The following TACC2 variants were observed in gnomAD, a reference collection of about 807,000 sequenced individuals.
TACC2 encodes the protein transforming acidic coiled-coil-containing protein 2.
Under a neutral mutation model 227.3 loss-of-function variants are expected in TACC2, and 137 were observed. That is an observed-to-expected ratio of 0.60 (90% confidence interval 0.52 to 0.69). TACC2 has a LOEUF of 0.69. Ranked by LOEUF, TACC2 falls within the 30% of genes least tolerant of loss-of-function variation. The probability of loss-of-function intolerance (pLI) is 0.00; values close to 1 mark genes in which losing one functional copy is unlikely to be tolerated. For missense variants in TACC2, 3,470 were observed against 3,694.4 expected (o/e 0.94, Z 1.57); for synonymous variants, 1,523 against 1,487.5 (o/e 1.02, Z -0.55).
intron 7 of TACC2, among the ~76,000 whole-genome samples, chr10:122,156,155 T>A (rs552060775): frequency 6.6e-6 from 1 of 151,786 alleles, no homozygotes; most frequent in Admixed American, 6.6e-5. Context: ...AAAAAACGTT[T>A]TTAAGACTTC....
intron 7 of TACC2, chr10:122,163,968 T>C: frequency 6.3e-7 from 1 of 1,588,584 alleles, no homozygotes; most frequent in Non-Finnish European, 8.6e-7. Context: ...GCCAGCGACC[T>C]GAACCTGGAG....
intron 5 of TACC2, among the ~76,000 whole-genome samples, chr10:122,096,480 T>G (rs2081421302): frequency 6.6e-6 from 1 of 152,164 alleles, no homozygotes; most frequent in Admixed American, 6.5e-5. Context: ...GTGGATCATC[T>G]GAGGTCAGGA....
chr10:122,055,518 T>C (rs1345049641), intron 3 of TACC2, among the ~76,000 whole-genome samples: 1 of 152,106 alleles, frequency 6.6e-6, no homozygotes, highest in East Asian at 1.9e-4. Context: ...TGAGAACACA[T>C]GGACACATAG....
At chr10:122,126,475 C>T (rs532151366) in intron 5 of TACC2, among the ~76,000 whole-genome samples, 1 of 152,220 alleles carries the variant, frequency 6.6e-6, no homozygotes, top group South Asian at 2.1e-4. Flanking sequence ...GCACACAGCC[C>T]TCCACAACTA....
At chr10:122,075,487 A>G (rs1336999338) in intron 3 of TACC2, among the ~76,000 whole-genome samples, 2 of 152,238 alleles carry the variant, frequency 1.3e-5, no homozygotes, top group Non-Finnish European at 2.9e-5. Context: ...CTCTCCCCAT[A>G]TCACCACTCG....
At chr10:122,090,613 T>C (rs1403449153) in intron 5 of TACC2, among the ~76,000 whole-genome samples, 1 of 145,866 alleles carries the variant, frequency 6.9e-6, no homozygotes, top group Non-Finnish European at 1.5e-5. Flanking sequence ...ACAACCACAA[T>C]ACCTACCAAT....
At chr10:122,134,624 C>A (rs999385892) in intron 6 of TACC2, among the ~76,000 whole-genome samples, 5 of 152,242 alleles carry the variant, frequency 3.3e-5, no homozygotes, top group African/African-American at 1.2e-4. Flanking sequence ...TCCTATTCCT[C>A]CCCCTCTTTG....
In TACC2 at chr10:122,132,687, C is replaced by T; in HGVS notation, c.5652C>T (p.Tyr1884=). 2 of 1,614,240 alleles carry T rather than the reference C, an allele frequency of 1.2e-6. No homozygotes were observed. Residue 1884 remains tyrosine (Y), a synonymous_variant, in exon 6 of 23, where the codon TAC becomes TAT. Transcript: ENST00000369005. ...LESPTLAASS[Y]HGDVVGQVST... ...GCCCAACCTTAGCTGCCTCTTCCTA[C>T]CACGGTGATGTTGTTGGCCAGGTCT...
chr10:122,215,257 C>G, intron 9 of TACC2, 134 bp from the exon 10 acceptor site: 2 of 760,492 alleles, frequency 2.6e-6, no homozygotes, highest in Admixed American at 1.9e-5. Context: ...CTCGCTGGTG[C>G]TGGAGTGACA....
At chr10:122,114,132 G>T (rs1248561703) in intron 5 of TACC2, among the ~76,000 whole-genome samples, 1 of 152,340 alleles carries the variant, frequency 6.6e-6, no homozygotes, top group Non-Finnish European at 1.5e-5. Context: ...AAGGAGGGGC[G>T]GCTGGAGAGG....
intron 8 of TACC2, among the ~76,000 whole-genome samples, chr10:122,196,569 A>G (rs1041643377): frequency 6.6e-6 from 1 of 152,202 alleles, no homozygotes; most frequent in Non-Finnish European, 1.5e-5. Flanking sequence ...ATTTTGTATG[A>G]CCAAGCATAT....
chr10:122,010,421 T>C (rs1437279443), intron 1 of TACC2, among the ~76,000 whole-genome samples: 1 of 152,210 alleles, frequency 6.6e-6, no homozygotes, highest in Non-Finnish European at 1.5e-5. Flanking sequence ...AAGGGGAACC[T>C]TATATTTTAA....
intron 5 of TACC2, among the ~76,000 whole-genome samples, chr10:122,119,491 C>A (rs145681343): frequency 0.016 from 2,450 of 152,320 alleles, 33 homozygotes; most frequent in Non-Finnish European, 0.022. Flanking sequence ...CAGCTGAGAT[C>A]TTGATCCCAG....
chr10:122,153,323 C>T lies in TACC2; in HGVS notation c.5834+9617C>T, dbSNP rs140976121. 3.9e-5 allele frequency among the ~76,000 whole-genome samples: 6 copies of T among 152,304 alleles called. No homozygotes were observed. The East Asian group carries it at 1.2e-3, about 29-fold the overall frequency. On this transcript the variant is annotated intron_variant, in intron 7 of 22. Transcript: ENST00000369005. The stretch of plus-strand genomic sequence containing the variant: ...ATTTCATCTCACTTAATGTGCATAA[C>T]AGTCCTGTCAGGGAGATATTTTTGT...
intron 1 of TACC2, among the ~76,000 whole-genome samples, chr10:121,993,554 G>T (rs1011806824): frequency 5.3e-5 from 8 of 152,118 alleles, no homozygotes; most frequent in Non-Finnish European, 1.2e-4. Context: ...TTAGATCATT[G>T]CCTTTATAAT....
intron 17 of TACC2, 147 bp downstream of exon 17, chr10:122,237,685 TC>T (rs1378487485): frequency 2.8e-6 from 3 of 1,084,582 alleles, no homozygotes; most frequent in African/African-American, 3.2e-5. Flanking sequence ...GTTTTGATCT[TC>T]CTAGACGCTA....
intron 3 of TACC2, among the ~76,000 whole-genome samples, chr10:122,061,303 AAAAG>A (rs2076797065): frequency 6.6e-6 from 1 of 151,034 alleles, no homozygotes; most frequent in African/African-American, 2.4e-5. Context: ...AAAAAAAAAA[AAAAG>A]GAGGGAGAAA....
chr10:122,176,103 CTCTCTCTCTCTCTCTATATATA>C (rs1370205330), intron 7 of TACC2, among the ~76,000 whole-genome samples: 141 of 77,874 alleles, frequency 1.8e-3, no homozygotes, highest in African/African-American at 7.2e-3. Flanking sequence ...CTCTCTCTCT[CTCTCTCTCTCTCTCTATATATA>C]TATATATATA....
At chr10:122,092,048 G>C (rs1196775245) in intron 5 of TACC2, among the ~76,000 whole-genome samples, 2 of 152,230 alleles carry the variant, frequency 1.3e-5, no homozygotes, top group African/African-American at 4.8e-5. Flanking sequence ...CCCAGTGGGT[G>C]TTAGATTCCC....
Sources: gnomAD v4.1 joint callset for allele counts (sites outside exome capture counted in the v4.1 genomes callset) on GRCh38, gnomAD v4.1.1 for gene constraint, MANE v1.5 for transcripts, NCBI Gene and HGNC (gene_info 2026-07-23, HGNC 2026-07-21) for gene names.